ITGB3BP: variants seen among roughly 807,000 people sequenced by gnomAD.
ITGB3BP encodes the protein integrin subunit beta 3 binding protein, also known as centromere protein R.
In ITGB3BP, 27 loss-of-function variants were observed where a neutral mutation model predicts 29.1. The ratio of observed to expected loss-of-function variants is 0.93; its 90% CI spans 0.68 to 1.28. The LOEUF (loss-of-function observed/expected upper bound fraction) is 1.28. ITGB3BP is among the 50% of genes most tolerant of loss of function. The pLI, the probability that ITGB3BP is intolerant of heterozygous loss-of-function variation, is 0.00. For synonymous variants in ITGB3BP, 61 were observed against 61.4 expected (o/e 0.99, Z 0.03); for missense variants, 192 against 200.2 (o/e 0.96, Z 0.25).
chr1:63,442,043 T>G (rs1040268731), intron 8 of ITGB3BP, among the ~76,000 whole-genome samples: 3 of 152,194 alleles, frequency 2.0e-5, no homozygotes, highest in African/African-American at 7.2e-5. Flanking sequence ...GAGCTATGAT[T>G]GCACCATTGC....
At chr1:63,496,759 T>C (rs1175432114) in intron 2 of ITGB3BP, among the ~76,000 whole-genome samples, 1 of 152,222 alleles carries the variant, frequency 6.6e-6, no homozygotes, top group Non-Finnish European at 1.5e-5. Context: ...CTTGATAATG[T>C]TTCTTGGGAT....
chr1:63,511,457 C>T (rs1646197886), intron 1 of ITGB3BP, among the ~76,000 whole-genome samples: 1 of 152,006 alleles, frequency 6.6e-6, no homozygotes. Flanking sequence ...TAATTGAAAG[C>T]TGGGACACAA....
chr1:63,477,061 G>A (rs755999193), intron 4 of ITGB3BP, among the ~76,000 whole-genome samples: 73 of 152,242 alleles, frequency 4.8e-4, no homozygotes, highest in Middle Eastern at 3.4e-3. Flanking sequence ...ACTGAAACAC[G>A]CAAATATTTG....
intron 1 of ITGB3BP, among the ~76,000 whole-genome samples, chr1:63,518,908 T>C (rs1557659848): frequency 6.6e-6 from 1 of 152,150 alleles, no homozygotes; most frequent in Non-Finnish European, 1.5e-5. Context: ...GATTACAGTA[T>C]GCCTTTTTAA....
chr1:63,514,909 G>C (rs1332873032), intron 1 of ITGB3BP, among the ~76,000 whole-genome samples: 4 of 137,252 alleles, frequency 2.9e-5, no homozygotes, highest in Admixed American at 1.6e-4. Flanking sequence ...TCGTGCCACT[G>C]CACTCCAGCC....
At chr1:63,449,475 C>T (rs1400260745) in intron 7 of ITGB3BP, 1 of 151,902 alleles carries the variant, frequency 6.6e-6, no homozygotes, top group Non-Finnish European at 1.5e-5. Context: ...AGTAATAAAT[C>T]AGTTTATTTT....
intron 3 of ITGB3BP, among the ~76,000 whole-genome samples, chr1:63,485,798 T>C (rs1645517217): frequency 6.6e-6 from 1 of 152,106 alleles, no homozygotes; most frequent in Non-Finnish European, 1.5e-5. Context: ...TAGATAAGTT[T>C]ATCAGTCTGT....
At chr1:63,503,430 G>A (rs556745610) in intron 2 of ITGB3BP, among the ~76,000 whole-genome samples, 14 of 152,238 alleles carry the variant, frequency 9.2e-5, no homozygotes, top group Non-Finnish European at 1.5e-4. Context: ...CAGATGAGTA[G>A]ATTGCAAAAA....
intron 1 of ITGB3BP, among the ~76,000 whole-genome samples, chr1:63,511,836 G>GA (rs968192435): frequency 2.6e-5 from 4 of 151,594 alleles, no homozygotes; most frequent in Non-Finnish European, 4.4e-5. Flanking sequence ...TTTACAAGAT[G>GA]AAAAAAAATT....
At chr1:63,465,083 T>A (rs1045478139) in intron 4 of ITGB3BP, among the ~76,000 whole-genome samples, 1 of 152,204 alleles carries the variant, frequency 6.6e-6, no homozygotes, top group Admixed American at 6.5e-5. Context: ...AATGTTAAAT[T>A]TCCTGATTTT....
intron 2 of ITGB3BP, 84 bp from the exon 3 acceptor site, chr1:63,490,302 A>G: frequency 2.1e-6 from 2 of 950,996 alleles, no homozygotes. Flanking sequence ...AAAATCAGCA[A>G]AATTCAAACT....
intron 1 of ITGB3BP, chr1:63,509,998 G>A: frequency 2.2e-6 from 1 of 459,056 alleles, no homozygotes; most frequent in South Asian, 4.0e-5. Context: ...TTCGAGACCA[G>A]CCTAACATGG....
intron 4 of ITGB3BP, among the ~76,000 whole-genome samples, chr1:63,473,384 G>C (rs1267774455): frequency 6.7e-6 from 1 of 148,280 alleles, no homozygotes; most frequent in Non-Finnish European, 1.5e-5. Context: ...CGCCCCGTCC[G>C]GGAGGTGAGG....
chr1:63,510,100 G>A, intron 1 of ITGB3BP: 1 of 632,432 alleles, frequency 1.6e-6, no homozygotes, highest in Admixed American at 2.2e-5. Flanking sequence ...TGAGGCAGGA[G>A]AATCGCTTGA....
At chr1:63,471,262 G>GTTTTTTT (rs55797590) in intron 4 of ITGB3BP, among the ~76,000 whole-genome samples, 1 of 125,384 alleles carries the variant, frequency 8.0e-6, no homozygotes, top group African/African-American at 3.1e-5. Flanking sequence ...TCCTCTAAAA[G>GTTTTTTT]TTTTTTTTTT....
intron 2 of ITGB3BP, 100 bp from the exon 3 acceptor site, chr1:63,490,318 C>T (rs867638376): frequency 1.3e-6 from 1 of 770,900 alleles, no homozygotes; most frequent in East Asian, 2.7e-5. Context: ...AAACTTGTTT[C>T]CTTGCTCTTG....
chr1:63,483,709 G>C (rs1480757688), intron 3 of ITGB3BP, among the ~76,000 whole-genome samples: 2 of 151,938 alleles, frequency 1.3e-5, no homozygotes, highest in Admixed American at 1.3e-4. Context: ...ACAACATTTT[G>C]GTCAGTGACA....
chr1:63,523,391 C>G (rs753685927), upstream of ITGB3BP: 3 of 567,956 alleles, frequency 5.3e-6, no homozygotes, highest in Non-Finnish European at 9.5e-6. Context: ...TCTCTCACTA[C>G]TCTGGCCATA....
At chr1:63,467,320 T>C (rs1185592872) in intron 4 of ITGB3BP, among the ~76,000 whole-genome samples, 2 of 152,138 alleles carry the variant, frequency 1.3e-5, no homozygotes, top group Admixed American at 6.6e-5. Flanking sequence ...AAAAGCATCT[T>C]GCTTTCTAAA....
Sources: gnomAD v4.1 joint callset for allele counts (sites outside exome capture counted in the v4.1 genomes callset) on GRCh38, gnomAD v4.1.1 for gene constraint, MANE v1.5 for transcripts, NCBI Gene and HGNC (gene_info 2026-07-23, HGNC 2026-07-21) for gene names.